Variants in SGMS1 observed in about 807,000 individuals in gnomAD.
SGMS1 encodes the protein sphingomyelin synthase 1, also known as phosphatidylcholine:ceramide cholinephosphotransferase 1.
A neutral mutation model predicts 46.2 loss-of-function variants in SGMS1; 13 were observed. The observed-to-expected ratio is 0.28, with a 90% CI of 0.18 to 0.45. The LOEUF (loss-of-function observed/expected upper bound fraction) is 0.45, where lower values mean the gene tolerates loss of function less well. Among genes scored for constraint, SGMS1 ranks in the 20% least tolerant of loss-of-function variants. The pLI is 1.00. For synonymous variants in SGMS1, 203 were observed against 187.8 expected (o/e 1.08, Z -0.66); for missense variants, 324 against 519.9 (o/e 0.62, Z 3.66).
intron 7 of SGMS1, chr10:50,335,571 A>G (rs1317683042): frequency 2.6e-5 from 4 of 152,258 alleles, no homozygotes; most frequent in Admixed American, 2.6e-4. Context: ...TGTAAGACTG[A>G]GTATAACCAC....
chr10:50,322,445 A>G (rs1345023099), intron 8 of SGMS1, among the ~76,000 whole-genome samples: 4 of 152,256 alleles, frequency 2.6e-5, no homozygotes, highest in Non-Finnish European at 5.9e-5. Context: ...TAAAACAGGA[A>G]AAACCTTACC....
chr10:50,488,024 T>TTGATTG (rs1564926590), intron 3 of SGMS1, among the ~76,000 whole-genome samples: 99 of 138,656 alleles, frequency 7.1e-4, no homozygotes, highest in Middle Eastern at 3.7e-3. Flanking sequence ...TTTATTTATT[T>TTGATTG]ATTTATTGAG....
intron 1 of SGMS1, among the ~76,000 whole-genome samples, chr10:50,619,725 G>A (rs371892887): frequency 1.4e-4 from 21 of 152,308 alleles, no homozygotes; most frequent in African/African-American, 5.1e-4. Context: ...GGTTGCTTCA[G>A]TTAAAGCCCT....
chr10:50,540,923 C>T (rs543018016), intron 2 of SGMS1, among the ~76,000 whole-genome samples: 2 of 152,172 alleles, frequency 1.3e-5, no homozygotes, highest in Admixed American at 6.5e-5. Flanking sequence ...CTGCAGTCAC[C>T]CAGGTGACTG....
In SGMS1 at chr10:50,394,575, C is replaced by T. The variant is rs931788454; in HGVS notation, c.-232+38901G>A. Among the ~76,000 whole-genome samples the T allele has an allele frequency of 2.0e-5, 3 of 152,218 alleles. No individual in the cohort carries two copies. In the East Asian group the frequency reaches 5.8e-4, roughly 29 times the overall value. On this transcript the variant is annotated intron_variant, in intron 6 of 10. Coordinates refer to ENST00000361781, the MANE Select transcript of SGMS1 (RefSeq NM_147156.4). The stretch of plus-strand genomic sequence containing the variant: ...TGTGTGGTTTTGAAATAGATCTGCA[C>T]AAATTCTGGTGCCAGGCACCAAGAA...
At chr10:50,566,996 G>A (rs189925643) in intron 2 of SGMS1, among the ~76,000 whole-genome samples, 1 of 152,178 alleles carries the variant, frequency 6.6e-6, no homozygotes, top group African/African-American at 2.4e-5. Flanking sequence ...GCCTGGGCTG[G>A]AGGGCAGTGG....
intron 2 of SGMS1, among the ~76,000 whole-genome samples, chr10:50,554,141 T>A (rs1838171475): frequency 6.6e-6 from 1 of 152,172 alleles, no homozygotes; most frequent in Admixed American, 6.5e-5. Context: ...TCACCATTAG[T>A]CAAGAGGTGC....
At chr10:50,393,632 C>G (rs1008552794) in intron 6 of SGMS1, among the ~76,000 whole-genome samples, 1 of 152,298 alleles carries the variant, frequency 6.6e-6, no homozygotes, top group South Asian at 2.1e-4. Flanking sequence ...AGGCACTGAT[C>G]TGTCACCCAC....
chr10:50,499,257 T>C (rs1344929026), intron 3 of SGMS1, among the ~76,000 whole-genome samples: 17 of 152,220 alleles, frequency 1.1e-4, no homozygotes, highest in Admixed American at 1.1e-3. Context: ...TCCCTAAGCC[T>C]TGGTTTTCTC....
At chr10:50,504,004 C>T (rs943514948) in intron 3 of SGMS1, among the ~76,000 whole-genome samples, 15 of 152,252 alleles carry the variant, frequency 9.9e-5, no homozygotes, top group African/African-American at 3.6e-4. Context: ...TGTGGCTACA[C>T]ATCCTCTCGT....
At chr10:50,355,228 C>T (rs548533032) in intron 6 of SGMS1, among the ~76,000 whole-genome samples, 18 of 152,246 alleles carry the variant, frequency 1.2e-4, no homozygotes, top group South Asian at 2.1e-4. Flanking sequence ...ATTAAGAAAA[C>T]GTGGCACATA....
At position 50,315,827 on chromosome 10, in the gene SGMS1, C is replaced by G. The variant is rs149931097; in HGVS notation, c.742-4412G>C. 9.9e-5 allele frequency among the ~76,000 whole-genome samples: 15 copies of G among 152,278 alleles called. No homozygotes were observed. In the East Asian group the frequency reaches 2.9e-3, roughly 29 times the overall value. On this transcript the variant is annotated intron_variant, in intron 8 of 10. Transcript: ENST00000361781. The stretch of plus-strand genomic sequence containing the variant: ...TGTGCATTATGGTTTCCCAGGGTCA[C>G]AGAAAACCAATAACCAGTAAAAACA...
chr10:50,607,969 G>A (rs560494107), intron 1 of SGMS1, among the ~76,000 whole-genome samples: 2 of 152,274 alleles, frequency 1.3e-5, no homozygotes, highest in African/African-American at 4.8e-5. Flanking sequence ...TCAGATCAAA[G>A]TCAACATCCA....
rs10524155 is a variant in SGMS1, at chr10:50,400,396, CATATATATATATATATATAT to C, written c.-232+33060_-232+33079del. Among the ~76,000 whole-genome samples, 281 of 98,726 alleles carry C rather than the reference CATATATATATATATATATAT, an allele frequency of 2.8e-3. 2 individuals carry two copies. The highest frequency in any genetic ancestry group is 3.8e-3 in the South Asian group (10 of 2,624). 64.8% of individuals were successfully genotyped at this position (98,726 alleles called of 152,430 possible). A position where few individuals can be genotyped will look rare whatever the true frequency, so the allele number is the denominator to read the frequency against. On this transcript the variant is annotated intron_variant, in intron 6 of 10. Transcript: ENST00000361781. ...ACAAGACCTATAGAACACATCCTGGCATATATATATATATATATATATATATATATATATATATATATATA... is the reference window on the plus strand; with the variant it reads ...ACAAGACCTATAGAACACATCCTGGCATATATATATATATATATATATATA...
chr10:50,619,554 G>A (rs1009753924), intron 1 of SGMS1, among the ~76,000 whole-genome samples: 1 of 152,172 alleles, frequency 6.6e-6, no homozygotes, highest in African/African-American at 2.4e-5. Context: ...GTGCTGGGAG[G>A]GGAATGAAGG....
intron 6 of SGMS1, among the ~76,000 whole-genome samples, chr10:50,419,577 T>G (rs1425982923): frequency 1.3e-5 from 2 of 152,230 alleles, no homozygotes; most frequent in Non-Finnish European, 2.9e-5. Flanking sequence ...TGTGGAAATA[T>G]TCCATCTGAG....
Position 50,343,924 on chromosome 10 carries a change from A to G in SGMS1, c.191T>C (p.Ile64Thr), listed in dbSNP as rs377457893. ...ATGGTGCTCCATTTTCAGGGTTTCT[A>G]TCATGTCCAGGAGCCGCTGCCCATT... is the stretch of plus-strand genomic sequence containing the variant. Reference protein sequence around the residue: ...SDNGQRLLDMIETLKMEHHLE... With the variant: ...SDNGQRLLDMTETLKMEHHLE... Residue 64 changes from isoleucine (I) to threonine (T), a missense_variant, in exon 7 of 11, where the codon ATA becomes ACA. By Grantham distance (89) the Ile-to-Thr change is moderately conservative. Transcript: ENST00000361781. 16 of 1,613,784 alleles carry G rather than the reference A, an allele frequency of 9.9e-6. No homozygotes were observed. Among genetic ancestry groups the G allele is most frequent in the Non-Finnish European group, 1.3e-5 (15 of 1,179,884 alleles).
rs541753062 is a variant in SGMS1 at position 50,559,184 on chromosome 10, C to CTTG, written c.-589+30968_-589+30969insCAA. Among the ~76,000 whole-genome samples the CTTG allele has an allele frequency of 1.1e-4, 16 of 152,310 alleles. No individual in the cohort carries two copies. The South Asian group carries it at 3.1e-3, about 30-fold the overall frequency. On this transcript the variant is annotated intron_variant, in intron 2 of 10. Coordinates refer to ENST00000361781, the MANE Select transcript of SGMS1 (RefSeq NM_147156.4). Reference sequence around the variant, plus strand: ...ACATATCAAAGGCCTGTTACTAAAACTACAAGAGTTACACAAGCCCCCCAA... The same window carrying CTTG: ...ACATATCAAAGGCCTGTTACTAAAACTTGTACAAGAGTTACACAAGCCCCCCAA...
chr10:50,428,765 A>G (rs1224982874), intron 6 of SGMS1, among the ~76,000 whole-genome samples: 1 of 152,202 alleles, frequency 6.6e-6, no homozygotes, highest in African/African-American at 2.4e-5. Context: ...AAATGCAGAT[A>G]ATCCCAGATG....
Sources: gnomAD v4.1 joint callset for allele counts (sites outside exome capture counted in the v4.1 genomes callset) on GRCh38, gnomAD v4.1.1 for gene constraint, MANE v1.5 for transcripts, NCBI Gene and HGNC (gene_info 2026-07-23, HGNC 2026-07-21) for gene names.